CCDC158: variants seen among roughly 807,000 people sequenced by gnomAD.
The protein encoded by CCDC158 is coiled-coil domain-containing protein 158.
A neutral mutation model predicts 138.6 loss-of-function variants in CCDC158; 116 were observed. That is an observed-to-expected ratio of 0.84 (90% CI 0.72 to 0.98). The LOEUF is 0.98. CCDC158 is among the 50% of genes least tolerant of loss of function. The pLI is 0.00. For synonymous variants in CCDC158, 436 were observed against 442.4 expected (o/e 0.99, Z 0.18); for missense variants, 1,265 against 1,306.1 (o/e 0.97, Z 0.48).
chr4:76,381,855 G>T (rs1434134088), intron 8 of CCDC158, among the ~76,000 whole-genome samples: 1 of 151,962 alleles, frequency 6.6e-6, no homozygotes, highest in African/African-American at 2.4e-5. Flanking sequence ...CTAATTTTTT[G>T]TATTTTTAGT....
At chr4:76,379,511 A>AT in intron 8 of CCDC158, 107 bp from the exon 9 acceptor site, 1 of 532,452 alleles carries the variant, frequency 1.9e-6, no homozygotes, top group Non-Finnish European at 3.2e-6. Context: ...TTTATATGGC[A>AT]TTATTAAGCC....
At chr4:76,404,715 A>C (rs1007778099) in intron 2 of CCDC158, among the ~76,000 whole-genome samples, 1 of 152,206 alleles carries the variant, frequency 6.6e-6, no homozygotes, top group Middle Eastern at 3.4e-3. Flanking sequence ...GAGAATAAAA[A>C]ATAAAATAAA....
At chr4:76,396,187 T>C in intron 4 of CCDC158, 82 bp downstream of exon 4, 1 of 931,270 alleles carries the variant, frequency 1.1e-6, no homozygotes, top group Non-Finnish European at 1.6e-6. Context: ...CAGGAAGTTG[T>C]ATAACTGGCT....
intron 15 of CCDC158, among the ~76,000 whole-genome samples, chr4:76,353,647 A>T (rs865892518): frequency 1.3e-5 from 2 of 152,340 alleles, no homozygotes; most frequent in South Asian, 2.1e-4. Context: ...TAAAAGATGC[A>T]TTACTTGAAA....
chr4:76,354,535 T>C (rs1264466192), intron 15 of CCDC158, among the ~76,000 whole-genome samples: 2 of 152,198 alleles, frequency 1.3e-5, no homozygotes, highest in African/African-American at 4.8e-5. Flanking sequence ...TTTTCCAAAG[T>C]AATGGATATA....
intron 22 of CCDC158, among the ~76,000 whole-genome samples, chr4:76,327,411 C>A (rs1006031184): frequency 1.3e-5 from 2 of 152,126 alleles, no homozygotes; most frequent in African/African-American, 2.4e-5. Flanking sequence ...CATTGTGCAA[C>A]CATCATAGAG....
In CCDC158 at chr4:76,351,035, A is replaced by G. The variant is rs200146613; in HGVS notation, c.2625T>C (p.Asn875=). Reference sequence around the variant, plus strand: ...TGGCTGTAGACTGCGAAGATGGTACATTAGAATGAGAACGAGTAACAGATG... The same window carrying G: ...TGGCTGTAGACTGCGAAGATGGTACGTTAGAATGAGAACGAGTAACAGATG... ...QPASVTRSHS[N]VPSSQSTASF... The change falls in exon 18 of 25, where the codon AAT becomes AAC. Residue 875 remains asparagine, a synonymous_variant. Transcript: ENST00000682701. The G allele has an allele frequency of 9.9e-6, 16 of 1,613,936 alleles. No individual in the cohort carries two copies. The East Asian group carries it at 2.9e-4, about 29-fold the overall frequency.
intron 22 of CCDC158, among the ~76,000 whole-genome samples, chr4:76,326,936 T>C (rs1560786642): frequency 6.6e-6 from 1 of 152,176 alleles, no homozygotes; most frequent in Admixed American, 6.5e-5. Context: ...TATGTGGGTA[T>C]ATCTAAATGA....
intron 18 of CCDC158, chr4:76,344,628 A>G (rs1185325159): frequency 6.5e-7 from 1 of 1,531,262 alleles, no homozygotes; most frequent in African/African-American, 1.4e-5. Context: ...TGAGAGAGAT[A>G]AAGTCAAATT....
intron 9 of CCDC158, among the ~76,000 whole-genome samples, chr4:76,373,620 T>C (rs1198770037): frequency 6.6e-6 from 1 of 152,174 alleles, no homozygotes; most frequent in Non-Finnish European, 1.5e-5. Context: ...TATACATACA[T>C]ACACACATCT....
At chr4:76,369,010 T>G (rs1467260623) in intron 11 of CCDC158, among the ~76,000 whole-genome samples, 4 of 151,906 alleles carry the variant, frequency 2.6e-5, no homozygotes, top group Non-Finnish European at 5.9e-5. Flanking sequence ...GGTCATGAGA[T>G]CGAGACCATC....
chr4:76,418,778 C>A (rs1305671225), intron 1 of CCDC158, among the ~76,000 whole-genome samples: 1 of 152,158 alleles, frequency 6.6e-6, no homozygotes, highest in Non-Finnish European at 1.5e-5. Context: ...ATTGTGGGAG[C>A]TACAATCCAA....
chr4:76,366,864 C>T (rs1376313043), intron 12 of CCDC158, among the ~76,000 whole-genome samples: 1 of 152,018 alleles, frequency 6.6e-6, no homozygotes, highest in Non-Finnish European at 1.5e-5. Flanking sequence ...CACAGTAACC[C>T]AACAGGTTGT....
intron 1 of CCDC158, among the ~76,000 whole-genome samples, chr4:76,413,559 A>G (rs1267390521): frequency 6.6e-6 from 1 of 152,150 alleles, no homozygotes; most frequent in African/African-American, 2.4e-5. Context: ...AAAGAGAGAC[A>G]GAGTTTAGTT....
At chr4:76,355,285 G>T in intron 15 of CCDC158, 39 bp downstream of exon 15, 1 of 1,286,180 alleles carries the variant, frequency 7.8e-7, no homozygotes, top group Non-Finnish European at 1.1e-6. Flanking sequence ...GCCTGTGAGT[G>T]AACATGTTGG....
chr4:76,409,543 G>T (rs1358203664), intron 2 of CCDC158, among the ~76,000 whole-genome samples: 2 of 152,244 alleles, frequency 1.3e-5, no homozygotes, highest in East Asian at 3.9e-4. Context: ...TTAAAAAGTA[G>T]TATCTAGGCC....
intron 24 of CCDC158, among the ~76,000 whole-genome samples, chr4:76,317,989 C>T (rs555668324): frequency 6.6e-6 from 1 of 152,126 alleles, no homozygotes. Flanking sequence ...TTATCATACC[C>T]TCTAGGATAC....
intron 18 of CCDC158, among the ~76,000 whole-genome samples, chr4:76,348,999 A>G (rs1418397720): frequency 6.6e-6 from 1 of 152,218 alleles, no homozygotes; most frequent in African/African-American, 2.4e-5. Flanking sequence ...AGACCAGCAC[A>G]TCTAGGCACA....
At chr4:76,344,892 G>C in intron 18 of CCDC158, 1 of 1,554,948 alleles carries the variant, frequency 6.4e-7, no homozygotes. Flanking sequence ...GGAAGCCTAA[G>C]TGTTAGGTGG....
Sources: gnomAD v4.1 joint callset for allele counts (sites outside exome capture counted in the v4.1 genomes callset) on GRCh38, gnomAD v4.1.1 for gene constraint, MANE v1.5 for transcripts, NCBI Gene and HGNC (gene_info 2026-07-23, HGNC 2026-07-21) for gene names.